Variants in OLAH observed in about 807,000 individuals in gnomAD.
The protein encoded by OLAH is S-acyl fatty acid synthase thioesterase, medium chain.
Under a neutral mutation model 27.8 loss-of-function variants are expected in OLAH, and 33 were observed. The observed-to-expected ratio is 1.19, with a 90% CI of 0.90 to 1.59. The LOEUF is 1.59. Among genes scored for constraint, OLAH ranks in the 40% most tolerant of loss-of-function variants. OLAH has a pLI of 0.00. For synonymous variants in OLAH, 120 were observed against 102.9 expected, an observed-to-expected ratio of 1.17 and a Z score of -1.01; for missense variants, 359 against 310.8, an observed-to-expected ratio of 1.16 and a Z score of -1.17.
At chr10:15,050,788 G>T (rs369667411) in intron 3 of OLAH, among the ~76,000 whole-genome samples, 2 of 151,626 alleles carry the variant, frequency 1.3e-5, no homozygotes, top group Admixed American at 6.6e-5. Flanking sequence ...TGATCCGCCC[G>T]CCTCGGCCTC....
intron 2 of OLAH, 103 bp from the exon 3 acceptor site, chr10:15,049,532 G>A: frequency 1.2e-6 from 1 of 808,928 alleles, no homozygotes; most frequent in Admixed American, 3.7e-5. Context: ...ATGAACATAT[G>A]TTTCTTATAA....
At chr10:15,038,751 A>G (rs986955120) in intron 1 of OLAH, 6 of 152,224 alleles carry the variant, frequency 3.9e-5, no homozygotes, top group Admixed American at 2.6e-4. Context: ...TAGCAGCATG[A>G]AAACGGACTA....
chr10:15,042,922 G>A (rs1020717427), upstream of OLAH, among the ~76,000 whole-genome samples: 24 of 141,498 alleles, frequency 1.7e-4, no homozygotes, highest in African/African-American at 5.9e-4. Flanking sequence ...GTGCAGTGGC[G>A]TGATCTCCGC....
chr10:15,061,710 T>C lies in OLAH; in HGVS notation c.164-14T>C. The C allele has an allele frequency of 6.3e-7, 1 of 1,585,716 alleles. No homozygotes were observed. Among genetic ancestry groups the C allele is most frequent in the Non-Finnish European group, 8.6e-7 (1 of 1,167,634 alleles). On this transcript the variant is annotated splice_polypyrimidine_tract_variant and intron_variant, in intron 3 of 7. Coordinates refer to ENST00000378228, the MANE Select transcript of OLAH (RefSeq NM_001039702.3). ...ACTGTCTGTGCGTGTTCACTTGTGT[T>C]TCTCCATCTCCAGTGCACTCCTTAA...
At chr10:15,067,534 A>C (rs1844493115) in intron 6 of OLAH, among the ~76,000 whole-genome samples, 2 of 152,190 alleles carry the variant, frequency 1.3e-5, no homozygotes, top group Admixed American at 1.3e-4. Context: ...GAAACCTCCA[A>C]AACACCAGAA....
intron 3 of OLAH, among the ~76,000 whole-genome samples, chr10:15,051,078 A>ATT (rs35201278): frequency 0.2 from 26,674 of 134,538 alleles, 3,300 homozygotes; most frequent in African/African-American, 0.3. Context: ...TATTATTATT[A>ATT]TTTTTTTTTT....
chr10:15,032,351 G>T lies in OLAH; in HGVS notation c.-164+1G>T, dbSNP rs1243282405. 2 of 151,162 alleles carry T rather than the reference G, an allele frequency of 1.3e-5. No individual in the cohort carries two copies. Among genetic ancestry groups the T allele is most frequent in the African/African-American group, 4.9e-5 (2 of 41,092 alleles). 9.4% of individuals were successfully genotyped at this position (151,162 alleles called of 1,614,324 possible). On this transcript the variant is annotated splice_donor_variant, in intron 1 of 3. Coordinates refer to the OLAH transcript ENST00000413672. LOFTEE classifies it low-confidence loss of function (5UTR_SPLICE). ...ATTGTGAGACCTCACGTTGTCATATGTAAGTCAATTCTCCTTAATAAACTC... is the reference window on the plus strand; with the variant it reads ...ATTGTGAGACCTCACGTTGTCATATTTAAGTCAATTCTCCTTAATAAACTC...
intron 6 of OLAH, among the ~76,000 whole-genome samples, chr10:15,067,144 A>C (rs1407898114): frequency 6.6e-6 from 1 of 152,234 alleles, no homozygotes; most frequent in Non-Finnish European, 1.5e-5. Flanking sequence ...AATTTATACA[A>C]TTGTTATTTG....
intron 6 of OLAH, among the ~76,000 whole-genome samples, chr10:15,069,114 G>A (rs1423517529): frequency 6.6e-6 from 1 of 152,154 alleles, no homozygotes; most frequent in Non-Finnish European, 1.5e-5. Context: ...TGGACATCTA[G>A]ATAGTCTGAA....
intron 3 of OLAH, among the ~76,000 whole-genome samples, chr10:15,059,918 A>G (rs1844329668): frequency 6.6e-6 from 1 of 152,186 alleles, no homozygotes; most frequent in Admixed American, 6.5e-5. Context: ...TAGCAATTTG[A>G]TGGACAAGCC....
At chr10:15,032,633 A>G (rs950080674) in intron 1 of OLAH, among the ~76,000 whole-genome samples, 1 of 150,578 alleles carries the variant, frequency 6.6e-6, no homozygotes, top group Non-Finnish European at 1.5e-5. Flanking sequence ...AAAAAAAAAA[A>G]AAAAAAGAAA....
chr10:15,048,374 C>A (rs1165293719), intron 2 of OLAH, among the ~76,000 whole-genome samples: 1 of 152,132 alleles, frequency 6.6e-6, no homozygotes, highest in Non-Finnish European at 1.5e-5. Flanking sequence ...CCCACCACCA[C>A]ACCCAGCTAA....
intron 3 of OLAH, among the ~76,000 whole-genome samples, 174 bp from the exon 4 acceptor site, chr10:15,061,550 T>A (rs1844363698): frequency 6.6e-6 from 1 of 152,224 alleles, no homozygotes; most frequent in Non-Finnish European, 1.5e-5. Context: ...TCTGCTATAT[T>A]TTATCTTCTT....
At chr10:15,048,280 C>T (rs879425108) in intron 2 of OLAH, among the ~76,000 whole-genome samples, 7 of 152,184 alleles carry the variant, frequency 4.6e-5, no homozygotes, top group South Asian at 2.1e-4. Context: ...AGCGGTGGTG[C>T]GATCTCGGCT....
intron 5 of OLAH, among the ~76,000 whole-genome samples, chr10:15,064,736 C>T (rs1844433899): frequency 1.3e-5 from 2 of 152,216 alleles, no homozygotes; most frequent in Admixed American, 6.5e-5. Context: ...TGTCTCACTG[C>T]AACCTCTGCT....
intron 1 of OLAH, among the ~76,000 whole-genome samples, chr10:15,037,580 C>CAAAAAAAAAAAAAAAA (rs66522152): frequency 2.1e-5 from 3 of 141,258 alleles, no homozygotes; most frequent in African/African-American, 7.8e-5. Flanking sequence ...GACTCCGTAT[C>CAAAAAAAAAAAAAAAA]AAAAAAAAAA....
upstream of OLAH, among the ~76,000 whole-genome samples, chr10:15,039,228 T>C (rs966835764): frequency 6.7e-5 from 10 of 149,796 alleles, no homozygotes; most frequent in Non-Finnish European, 1.3e-4. Context: ...TATGTCTCTC[T>C]AAAAAAAAAG....
At chr10:15,048,732 A>G (rs534846457) in intron 2 of OLAH, among the ~76,000 whole-genome samples, 3 of 152,316 alleles carry the variant, frequency 2.0e-5, no homozygotes, top group East Asian at 3.9e-4. Context: ...AAGTGTGCAT[A>G]TAAAATGCAC....
At chr10:15,040,888 C>T (rs1409355483), upstream of OLAH, among the ~76,000 whole-genome samples, 1 of 152,066 alleles carries the variant, frequency 6.6e-6, no homozygotes, top group Non-Finnish European at 1.5e-5. Flanking sequence ...TCAAACCATC[C>T]CTTTCTCTCT....
Sources: allele counts gnomAD v4.1 joint callset (sites outside exome capture counted in the v4.1 genomes callset), GRCh38; gene constraint gnomAD v4.1.1; transcripts MANE v1.5; gene names NCBI Gene and HGNC (gene_info 2026-07-23, HGNC 2026-07-21).